DYNC1H1: variants seen among roughly 807,000 people sequenced by gnomAD.
DYNC1H1 encodes cytoplasmic dynein 1 heavy chain 1.
DYNC1H1 carries 51 observed loss-of-function variants against 527.1 expected under a neutral mutation model. The observed-to-expected ratio is 0.10, with a 90% CI of 0.08 to 0.12. DYNC1H1 has a LOEUF of 0.12. Among genes scored for constraint, DYNC1H1 ranks in the 10% least tolerant of loss-of-function variants. DYNC1H1 has a pLI of 1.00. For synonymous variants in DYNC1H1, 2,189 were observed against 2,278.8 expected (o/e 0.96, Z 1.12); for missense variants, 2,771 against 5,971.8 (o/e 0.46, Z 17.66).
chr14:101,976,154 G>A (rs964372500), intron 2 of DYNC1H1, among the ~76,000 whole-genome samples: 4 of 150,972 alleles, frequency 2.6e-5, no homozygotes, highest in South Asian at 2.1e-4. Flanking sequence ...AGATCCACCC[G>A]CCTCAGCCTC....
chr14:102,026,684 A>G lies in DYNC1H1; in HGVS notation c.8748A>G (p.Leu2916=). 1 of 1,614,180 alleles carries G rather than the reference A, an allele frequency of 6.2e-7. No homozygotes were observed. The highest frequency in any genetic ancestry group is 8.5e-7 in the Non-Finnish European group (1 of 1,180,040). Residue 2916 remains leucine (L), a synonymous_variant, in exon 44 of 78, where the codon CTA becomes CTG. Transcript: ENST00000360184. ...DVPLVLFNEV[L]DHVLRIDRIF... ...CGCTGGTGCTGTTTAATGAAGTCCT[A>G]GACCACGTGCTGAGGATTGACAGGT... is the stretch of plus-strand genomic sequence containing the variant.
rs1398130544 is a variant in DYNC1H1 at position 101,983,328 on chromosome 14, T to C, written c.1233+38T>C. ...ATATAAGACAACCAACCTCAAGACA[T>C]TGAGATGAAAATATGTCTTAATAAT... On this transcript the variant is annotated intron_variant, in intron 6 of 77. Coordinates refer to ENST00000360184, the MANE Select transcript of DYNC1H1 (RefSeq NM_001376.5). This position sits in a 1 kb window ranked among gnomAD's most constrained non-coding sequence, Gnocchi z 5.3. The C allele has an allele frequency of 1.2e-6, 2 of 1,614,104 alleles. No homozygotes were observed. Among genetic ancestry groups the C allele is most frequent in the Admixed American group, 1.7e-5 (1 of 60,026 alleles).
chr14:102,016,441 G>A lies in DYNC1H1; in HGVS notation c.7566G>A (p.Thr2522=), dbSNP rs747067301. 35 of 1,613,900 alleles carry A rather than the reference G, an allele frequency of 2.2e-5. No homozygotes were observed. Among genetic ancestry groups the A allele is most frequent in the Non-Finnish European group, 2.7e-5 (32 of 1,180,020 alleles). Residue 2522 remains threonine (T), a synonymous_variant, in exon 37 of 78, where the codon ACG becomes ACA. Transcript: ENST00000360184. This position sits in a 1 kb window ranked among gnomAD's most constrained non-coding sequence, Gnocchi z 7.3. ...TGGGTGAATACATCAGAAGAATCAC[G>A]ACCGTGCCTCTGCCCACTGCGCCCA... is the stretch of plus-strand genomic sequence containing the variant. The part of the protein sequence containing the change: ...AELGEYIRRI[T]TVPLPTAPNI...
chr14:102,005,862 C>G lies in DYNC1H1; in HGVS notation c.5434-26C>G. The stretch of plus-strand genomic sequence containing the variant: ...ACTGTATTGCTTTAGTGTAGATGAA[C>G]TTTTAAAGTGACTCTCTTTCTTCAG... On this transcript the variant is annotated intron_variant, in intron 26 of 77. Transcript: ENST00000360184. This position sits in a 1 kb window ranked among gnomAD's most constrained non-coding sequence, Gnocchi z 4.0. 6.2e-7 allele frequency: 1 copy of G among 1,613,904 alleles called. No homozygotes were observed. Among genetic ancestry groups the G allele is most frequent in the South Asian group, 1.1e-5 (1 of 91,048 alleles).
chr14:101,989,176 T>C (rs2141276941), intron 10 of DYNC1H1, among the ~76,000 whole-genome samples: 1 of 152,340 alleles, frequency 6.6e-6, no homozygotes, highest in East Asian at 1.9e-4. Context: ...CTAAAATAAT[T>C]ATTTTAAGTC....
rs1239701862 is a variant in DYNC1H1 at position 102,053,231 on chromosome 14, C to A, written c.*2668C>A. 6.6e-6 allele frequency: 1 copy of A among 151,210 alleles called. No homozygotes were observed. 9.4% of individuals were successfully genotyped at this position (151,210 alleles called of 1,614,324 possible). A position where few individuals can be genotyped will look rare whatever the true frequency, so the allele number is the denominator to read the frequency against. ...TCTGGGCTCACTGCAACCTCCACCT[C>A]CCGGATTCAAGCGATTCTCCTGCCT... is the stretch of plus-strand genomic sequence containing the variant. On this transcript the variant is annotated 3_prime_UTR_variant, in exon 78 of 78. Coordinates refer to ENST00000360184, the MANE Select transcript of DYNC1H1 (RefSeq NM_001376.5).
chr14:102,049,611 G>A lies in DYNC1H1; in HGVS notation c.13515+29G>A. ...AAGGCGCTCCTGACGAGTCTCGGGT[G>A]GTCAGCAGCTGTCCTGGGCTGGGGT... On this transcript the variant is annotated intron_variant, in intron 75 of 77. Coordinates refer to ENST00000360184, the MANE Select transcript of DYNC1H1 (RefSeq NM_001376.5). This position sits in a 1 kb window ranked among gnomAD's most constrained non-coding sequence, Gnocchi z 5.5. 1.9e-6 allele frequency: 3 copies of A among 1,613,412 alleles called. No individual in the cohort carries two copies. The highest frequency in any genetic ancestry group is 1.1e-5 in the South Asian group (1 of 91,050).
At chr14:101,998,697 G>A (rs548034432) in intron 16 of DYNC1H1, among the ~76,000 whole-genome samples, 29 of 152,158 alleles carry the variant, frequency 1.9e-4, no homozygotes, top group African/African-American at 6.5e-4. Context: ...GTTCTACTGT[G>A]TGCTTAATTT....
rs1472339908 is a variant in DYNC1H1, at chr14:101,988,947, C to T, written c.2868+95C>T. ...ATGGAAAGGTCACTTAGTGTGGACACCTGGCAGATGCCACCTTAACCAGGT... is the reference window on the plus strand; with the variant it reads ...ATGGAAAGGTCACTTAGTGTGGACATCTGGCAGATGCCACCTTAACCAGGT... On this transcript the variant is annotated intron_variant, in intron 10 of 77. Transcript: ENST00000360184. 3.9e-6 allele frequency: 6 copies of T among 1,519,880 alleles called. No homozygotes were observed. The African/African-American group carries it at 8.3e-5, about 21-fold the overall frequency. 94.1% of individuals were successfully genotyped at this position (1,519,880 alleles called of 1,614,324 possible).
rs527731617 is a variant in DYNC1H1 at position 102,039,962 on chromosome 14, G to A, written c.11690+230G>A. On this transcript the variant is annotated intron_variant, in intron 62 of 77. Transcript: ENST00000360184. This position sits in a 1 kb window ranked among gnomAD's most constrained non-coding sequence, Gnocchi z 7.0. ...AAGCAATTCTCCTGCTTCAGTCTCC[G>A]AAGTAGCTAGGACTATAGGCGCAGG... Among the ~76,000 whole-genome samples, 107 of 152,154 alleles carry A rather than the reference G, an allele frequency of 7.0e-4. No homozygotes were observed. Among genetic ancestry groups the A allele is most frequent in the Non-Finnish European group, 7.4e-4 (50 of 68,008 alleles).
Position 101,979,516 on chromosome 14 carries a change from A to G in DYNC1H1, c.518+24A>G, listed in dbSNP as rs894466071. ...AGGTAAAAACTGTGGTTTGAATGTTATATTTCACTTAATGTTCACAAGATA... is the reference window on the plus strand; with the variant it reads ...AGGTAAAAACTGTGGTTTGAATGTTGTATTTCACTTAATGTTCACAAGATA... On this transcript the variant is annotated intron_variant, in intron 3 of 77. Transcript: ENST00000360184. The surrounding 1 kb of genome is among the most constrained non-coding windows in gnomAD (Gnocchi z 4.6). 29 of 1,613,936 alleles carry G rather than the reference A, an allele frequency of 1.8e-5. No individual in the cohort carries two copies. The highest frequency in any genetic ancestry group is 4.0e-5 in the African/African-American group (3 of 74,920).
intron 62 of DYNC1H1, 80 bp from the exon 63 acceptor site, chr14:102,040,156 T>G: frequency 6.3e-7 from 1 of 1,588,916 alleles, no homozygotes; most frequent in Non-Finnish European, 8.6e-7. Flanking sequence ...GTTTTCTCTT[T>G]TCTTAAATCA....
In DYNC1H1 at chr14:101,986,867, A is replaced by T; in HGVS notation, c.2538+104A>T. Reference sequence around the variant, plus strand: ...CTCCCGAAGAAGGCATGCATGGTTGATGCAGCATACGGCCATGTGAGCTGC... The same window carrying T: ...CTCCCGAAGAAGGCATGCATGGTTGTTGCAGCATACGGCCATGTGAGCTGC... On this transcript the variant is annotated intron_variant, in intron 8 of 77. Coordinates refer to ENST00000360184, the MANE Select transcript of DYNC1H1 (RefSeq NM_001376.5). This position sits in a 1 kb window ranked among gnomAD's most constrained non-coding sequence, Gnocchi z 8.7. 7.4e-7 allele frequency: 1 copy of T among 1,345,606 alleles called. No homozygotes were observed. The highest frequency in any genetic ancestry group is 1.1e-6 in the Non-Finnish European group (1 of 942,174). 83.4% of individuals were successfully genotyped at this position (1,345,606 alleles called of 1,614,324 possible).
chr14:102,039,637 G>C lies in DYNC1H1; in HGVS notation c.11596-1G>C. On this transcript the variant is annotated splice_acceptor_variant, in intron 61 of 77. Transcript: ENST00000360184. LOFTEE classifies it high-confidence loss of function. The surrounding 1 kb of genome is among the most constrained non-coding windows in gnomAD (Gnocchi z 7.0). ...AACATCGTCTCCTGCTCTTGTCCCA[G>C]GTGGCGTTTAACCGAGTGGCTCGAG... 6.2e-7 allele frequency: 1 copy of C among 1,614,174 alleles called. No homozygotes were observed. The highest frequency in any genetic ancestry group is 8.5e-7 in the Non-Finnish European group (1 of 1,180,036).
At chr14:101,990,162 T>C (rs1013515294) in intron 10 of DYNC1H1, among the ~76,000 whole-genome samples, 4 of 152,160 alleles carry the variant, frequency 2.6e-5, no homozygotes, top group Non-Finnish European at 4.4e-5. Flanking sequence ...AACACATGAC[T>C]ATCTAGTGGA....
chr14:101,984,054 G>A (rs117720049), intron 7 of DYNC1H1, among the ~76,000 whole-genome samples: 2 of 152,002 alleles, frequency 1.3e-5, no homozygotes, highest in Non-Finnish European at 2.9e-5. Flanking sequence ...TGCAGCCTTC[G>A]CCTCCCGGGC....
chr14:102,038,905 T>C lies in DYNC1H1; in HGVS notation c.11206+57T>C. On this transcript the variant is annotated intron_variant, in intron 59 of 77. Coordinates refer to ENST00000360184, the MANE Select transcript of DYNC1H1 (RefSeq NM_001376.5). The surrounding 1 kb of genome is among the most constrained non-coding windows in gnomAD (Gnocchi z 7.2). Reference sequence around the variant, plus strand: ...TGGTGCAGGGGAAGGGGCTGAACTTTTAAGTGACTAGGATGTTCCACGTTT... The same window carrying C: ...TGGTGCAGGGGAAGGGGCTGAACTTCTAAGTGACTAGGATGTTCCACGTTT... 1.9e-6 allele frequency: 3 copies of C among 1,613,636 alleles called. No individual in the cohort carries two copies. Among genetic ancestry groups the C allele is most frequent in the Admixed American group, 1.7e-5 (1 of 59,980 alleles).
Position 102,027,082 on chromosome 14 carries a change from CA to C in DYNC1H1, c.8772-91del. Reference sequence around the variant, plus strand: ...TTTAATATACAAGTTCAAGTTAAAACATGTCCAAAATACTGTAGACACTAGA... The same window carrying C: ...TTTAATATACAAGTTCAAGTTAAAACTGTCCAAAATACTGTAGACACTAGA... On this transcript the variant is annotated intron_variant, in intron 44 of 77. Transcript: ENST00000360184. The surrounding 1 kb of genome is among the most constrained non-coding windows in gnomAD (Gnocchi z 7.7). 7.2e-7 allele frequency: 1 copy of C among 1,390,512 alleles called. No individual in the cohort carries two copies. The highest frequency in any genetic ancestry group is 1.4e-5 in the African/African-American group (1 of 70,516). The allele number at this position is 1,390,512 out of a possible 1,614,324, so 86.1% of individuals were successfully genotyped here. A position where few individuals can be genotyped will look rare whatever the true frequency, so the allele number is the denominator to read the frequency against.
intron 7 of DYNC1H1, among the ~76,000 whole-genome samples, chr14:101,984,401 A>ATATG (rs2047905055): frequency 9.8e-6 from 1 of 102,446 alleles, no homozygotes; most frequent in African/African-American, 4.6e-5. Context: ...ATGCGTATAT[A>ATATG]TGTGTGTGTG....
Sources: gnomAD v4.1 joint callset for allele counts (sites outside exome capture counted in the v4.1 genomes callset) on GRCh38, gnomAD v4.1.1 for gene constraint, Gnocchi (gnomAD v3.1) non-coding constraint, MANE v1.5 for transcripts, NCBI Gene and HGNC (gene_info 2026-07-23, HGNC 2026-07-21) for gene names.